The following CBR4 variants were observed in gnomAD, a reference collection of about 807,000 sequenced individuals.
The protein encoded by CBR4 is 3-oxoacyl-[acyl-carrier-protein] reductase.
Under a neutral mutation model 21.0 loss-of-function variants are expected in CBR4, and 22 were observed. The ratio of observed to expected loss-of-function variants is 1.05; its 90% CI spans 0.75 to 1.50. CBR4 has a LOEUF of 1.50. Ranked by LOEUF, CBR4 falls within the 40% of genes most tolerant of loss-of-function variation. The probability of loss-of-function intolerance (pLI) is 0.00; values close to 1 mark genes in which losing one functional copy is unlikely to be tolerated. For missense variants in CBR4, 302 were observed against 286.3 expected, an observed-to-expected ratio of 1.05 and a Z score of -0.40; for synonymous variants, 100 against 104.4, an observed-to-expected ratio of 0.96 and a Z score of 0.26.
chr4:168,924,428 T>C (rs1293188725), intron 2 of CBR4: 1 of 1,612,168 alleles, frequency 6.2e-7, no homozygotes, highest in East Asian at 2.2e-5. Flanking sequence ...GAGGTAAGAC[T>C]GCACAATGAG....
At chr4:168,995,835 CA>C (rs1284365540) in intron 4 of CBR4, among the ~76,000 whole-genome samples, 1 of 152,122 alleles carries the variant, frequency 6.6e-6, no homozygotes, top group East Asian at 1.9e-4. Context: ...AGATATGGAA[CA>C]GATAAAGGCT....
intron 2 of CBR4, among the ~76,000 whole-genome samples, chr4:168,934,987 G>T (rs945472836): frequency 2.0e-5 from 3 of 152,198 alleles, no homozygotes; most frequent in African/African-American, 7.2e-5. Context: ...ATACACCGAA[G>T]ATGGCCAAAT....
At chr4:168,911,434 A>G (rs568583315) in intron 2 of CBR4, among the ~76,000 whole-genome samples, 5 of 152,374 alleles carry the variant, frequency 3.3e-5, no homozygotes, top group Non-Finnish European at 7.3e-5. Context: ...GAAGCCGCAA[A>G]GCACATAATA....
At chr4:168,996,212 G>A (rs1765192990) in intron 4 of CBR4, among the ~76,000 whole-genome samples, 1 of 152,128 alleles carries the variant, frequency 6.6e-6, no homozygotes, top group South Asian at 2.1e-4. Flanking sequence ...TTGAAAGGAA[G>A]GGATGAATTC....
At chr4:168,904,070 CT>C (rs1402271027) in intron 2 of CBR4, 1 of 684,666 alleles carries the variant, frequency 1.5e-6, no homozygotes, top group Non-Finnish European at 2.6e-6. Context: ...TAGAAAAATT[CT>C]TTGTTTCATG....
chr4:168,921,144 G>A (rs1411752715), intron 2 of CBR4, among the ~76,000 whole-genome samples: 1 of 152,098 alleles, frequency 6.6e-6, no homozygotes, highest in Non-Finnish European at 1.5e-5. Context: ...AATGGCTCAT[G>A]CTTGTAATCC....
chr4:168,899,115 G>A (rs1474859682), intron 2 of CBR4, among the ~76,000 whole-genome samples: 1 of 152,146 alleles, frequency 6.6e-6, no homozygotes, highest in African/African-American at 2.4e-5. Context: ...GCTCACCACT[G>A]GTTGTAAAAA....
intron 2 of CBR4, among the ~76,000 whole-genome samples, chr4:168,957,263 C>A (rs951103184): frequency 1.3e-5 from 2 of 152,090 alleles, no homozygotes; most frequent in African/African-American, 4.8e-5. Context: ...AAATGATTTA[C>A]TTACTCTTGA....
intron 2 of CBR4, among the ~76,000 whole-genome samples, chr4:168,955,927 C>T (rs1475944900): frequency 6.6e-6 from 1 of 151,980 alleles, no homozygotes; most frequent in East Asian, 1.9e-4. Flanking sequence ...TTCATGGTTG[C>T]TTGGCAGCTC....
chr4:168,926,266 G>T, intron 2 of CBR4: 1 of 1,537,002 alleles, frequency 6.5e-7, no homozygotes, highest in South Asian at 1.2e-5. Flanking sequence ...ACGGCCCTCA[G>T]CCAGTCGCTA....
At chr4:168,979,905 C>T (rs567010357) in intron 2 of CBR4, among the ~76,000 whole-genome samples, 1 of 152,072 alleles carries the variant, frequency 6.6e-6, no homozygotes, top group Non-Finnish European at 1.5e-5. Context: ...GTGCCTTACT[C>T]TCACCTCCAG....
At chr4:168,955,321 A>G (rs190946580) in intron 2 of CBR4, among the ~76,000 whole-genome samples, 74 of 152,342 alleles carry the variant, frequency 4.9e-4, no homozygotes, top group African/African-American at 1.7e-3. Context: ...TGAATCAGAG[A>G]TTAAAGTGAT....
chr4:168,939,417 A>C (rs1316472007), intron 2 of CBR4, among the ~76,000 whole-genome samples: 1 of 152,140 alleles, frequency 6.6e-6, no homozygotes, highest in African/African-American at 2.4e-5. Flanking sequence ...TCACCACTCC[A>C]ATTCAACATA....
At chr4:168,913,280 G>A (rs925905900) in intron 2 of CBR4, among the ~76,000 whole-genome samples, 2 of 151,768 alleles carry the variant, frequency 1.3e-5, no homozygotes, top group African/African-American at 4.8e-5. Context: ...GGGACTATAG[G>A]TGCATGCCAC....
chr4:168,916,787 C>T (rs1760210208), intron 2 of CBR4, among the ~76,000 whole-genome samples: 1 of 150,444 alleles, frequency 6.6e-6, no homozygotes, highest in African/African-American at 2.4e-5. Context: ...TCTCCTGCCT[C>T]AGCCTCCTGA....
intron 2 of CBR4, among the ~76,000 whole-genome samples, chr4:168,937,142 G>C (rs1226390863): frequency 2.0e-5 from 3 of 152,304 alleles, no homozygotes; most frequent in African/African-American, 7.2e-5. Context: ...CCAGAAAAGA[G>C]TGGGGACCAA....
chr4:168,947,609 T>C (rs1397065223), intron 2 of CBR4, among the ~76,000 whole-genome samples: 1 of 152,162 alleles, frequency 6.6e-6, no homozygotes, highest in East Asian at 1.9e-4. Context: ...ATAGCTTAGC[T>C]CCCACATATC....
At chr4:168,937,747 C>A (rs1202684757) in intron 2 of CBR4, among the ~76,000 whole-genome samples, 1 of 151,874 alleles carries the variant, frequency 6.6e-6, no homozygotes, top group East Asian at 1.9e-4. Flanking sequence ...GGGATCAATG[C>A]AACAAGAAGA....
intron 2 of CBR4, among the ~76,000 whole-genome samples, chr4:168,979,827 C>G (rs545391177): frequency 6.0e-4 from 92 of 152,284 alleles, no homozygotes; most frequent in Non-Finnish European, 1.2e-3. Flanking sequence ...AGCTCCTCTG[C>G]CACTGCCACT....
Sources: allele counts gnomAD v4.1 joint callset (sites outside exome capture counted in the v4.1 genomes callset), GRCh38; gene constraint gnomAD v4.1.1; transcripts MANE v1.5; gene names NCBI Gene and HGNC (gene_info 2026-07-23, HGNC 2026-07-21).